The following OCA2 variants were observed in gnomAD, a reference collection of about 807,000 sequenced individuals.
OCA2 encodes P protein.
A neutral mutation model predicts 100.2 loss-of-function variants in OCA2; 77 were observed. The observed-to-expected ratio is 0.77, with a 90% CI of 0.64 to 0.93. The LOEUF is 0.93. OCA2 is among the 40% of genes least tolerant of loss of function. The pLI, the probability that OCA2 is intolerant of heterozygous loss-of-function variation, is 0.00. For synonymous variants in OCA2, 432 were observed against 439.2 expected (o/e 0.98, Z 0.21); for missense variants, 1,062 against 1,089.1 (o/e 0.98, Z 0.35).
intron 19 of OCA2, among the ~76,000 whole-genome samples, chr15:27,923,962 A>G (rs1186836951): frequency 6.6e-6 from 1 of 152,118 alleles, no homozygotes; most frequent in Non-Finnish European, 1.5e-5. Flanking sequence ...GGTATTGCCT[A>G]GATTGTCTTC....
At chr15:28,001,843 C>T (rs1401682844) in intron 9 of OCA2, among the ~76,000 whole-genome samples, 2 of 152,196 alleles carry the variant, frequency 1.3e-5, no homozygotes, top group African/African-American at 4.8e-5. Context: ...AATGCCCAGC[C>T]GGGCAGAGCT....
intron 21 of OCA2, among the ~76,000 whole-genome samples, chr15:27,866,877 A>T (rs2036346348): frequency 6.6e-6 from 1 of 152,344 alleles, no homozygotes; most frequent in Middle Eastern, 3.4e-3. Context: ...GGTTCCTCCA[A>T]TCAGACACAC....
intron 15 of OCA2, among the ~76,000 whole-genome samples, chr15:27,964,366 G>A (rs148541369): frequency 6.6e-6 from 1 of 152,192 alleles, no homozygotes; most frequent in African/African-American, 2.4e-5. Flanking sequence ...GGTGATCAGA[G>A]GGATAGGCTC....
chr15:28,094,900 G>A (rs1176025681), intron 1 of OCA2, among the ~76,000 whole-genome samples: 1 of 152,246 alleles, frequency 6.6e-6, no homozygotes, highest in Non-Finnish European at 1.5e-5. Context: ...AGGACCGACA[G>A]AGGCCAGGGC....
intron 23 of OCA2, among the ~76,000 whole-genome samples, chr15:27,826,514 C>T (rs2034728889): frequency 6.6e-6 from 1 of 152,134 alleles, no homozygotes; most frequent in Admixed American, 6.5e-5. Context: ...TGGACACTGC[C>T]TCCCCCTCCT....
chr15:27,973,260 G>A (rs2040864153), intron 14 of OCA2, among the ~76,000 whole-genome samples: 1 of 152,068 alleles, frequency 6.6e-6, no homozygotes, highest in South Asian at 2.1e-4. Context: ...CTTTGCCTGG[G>A]TCAGTGTCCA....
chr15:27,801,333 C>A (rs2033596403), intron 23 of OCA2, among the ~76,000 whole-genome samples: 1 of 152,100 alleles, frequency 6.6e-6, no homozygotes, highest in South Asian at 2.1e-4. Context: ...GTGGGCAGAT[C>A]ACGAGGTCAA....
At chr15:27,968,419 T>C (rs947138207) in intron 14 of OCA2, among the ~76,000 whole-genome samples, 5 of 152,120 alleles carry the variant, frequency 3.3e-5, no homozygotes, top group African/African-American at 1.2e-4. Flanking sequence ...ACCTCTTACA[T>C]AGGTAGAGGG....
At chr15:27,963,113 G>A (rs2040459629) in intron 15 of OCA2, among the ~76,000 whole-genome samples, 1 of 152,088 alleles carries the variant, frequency 6.6e-6, no homozygotes, top group Non-Finnish European at 1.5e-5. Context: ...TGCCCTAATA[G>A]TAAACTTTTA....
At chr15:27,962,304 C>G (rs552054859) in intron 15 of OCA2, among the ~76,000 whole-genome samples, 5 of 152,188 alleles carry the variant, frequency 3.3e-5, no homozygotes, top group Non-Finnish European at 5.9e-5. Context: ...TCTTTGCCAC[C>G]CTAGCCTCTT....
chr15:28,055,497 G>A (rs902281121), intron 2 of OCA2, among the ~76,000 whole-genome samples: 2 of 152,182 alleles, frequency 1.3e-5, no homozygotes, highest in African/African-American at 2.4e-5. Flanking sequence ...GGCCTTTCAC[G>A]TAGGTACTGA....
rs956764503 is a variant in OCA2, at chr15:27,814,603, C to T, written c.2432+30356G>A. ...TATTAAAATAAAAATATAGGCCAGG[C>T]ACCGTGGCTCACGCCTGAAATCCCA... is the stretch of plus-strand genomic sequence containing the variant. On this transcript the variant is annotated intron_variant, in intron 23 of 23. Coordinates refer to ENST00000354638, the MANE Select transcript of OCA2 (RefSeq NM_000275.3). Among the ~76,000 whole-genome samples, 10 of 152,274 alleles carry T rather than the reference C, an allele frequency of 6.6e-5. No individual in the cohort carries two copies. The East Asian group carries it at 1.9e-3, about 29-fold the overall frequency.
intron 14 of OCA2, among the ~76,000 whole-genome samples, chr15:27,974,436 G>A (rs2040900891): frequency 6.6e-6 from 1 of 152,124 alleles, no homozygotes; most frequent in South Asian, 2.1e-4. Context: ...TCTCCATACA[G>A]AGAAGTATTT....
intron 19 of OCA2, among the ~76,000 whole-genome samples, chr15:27,881,166 T>G (rs954232978): frequency 3.3e-5 from 5 of 152,212 alleles, no homozygotes; most frequent in African/African-American, 1.2e-4. Context: ...TTACATTTAT[T>G]GATTTGAGTA....
intron 14 of OCA2, 78 bp from the exon 15 acceptor site, chr15:27,966,900 T>G (rs1567168748): frequency 6.7e-7 from 1 of 1,499,420 alleles, no homozygotes; most frequent in Non-Finnish European, 9.1e-7. Flanking sequence ...CTTTCCGAGG[T>G]GGGTGGATCA....
At chr15:27,792,248 T>C (rs907390463) in intron 23 of OCA2, among the ~76,000 whole-genome samples, 1 of 152,206 alleles carries the variant, frequency 6.6e-6, no homozygotes, top group Non-Finnish European at 1.5e-5. Flanking sequence ...CCTTTCTTCC[T>C]TCCTGTGTGC....
At chr15:28,052,143 T>C (rs1399604027) in intron 2 of OCA2, among the ~76,000 whole-genome samples, 1 of 152,196 alleles carries the variant, frequency 6.6e-6, no homozygotes, top group Admixed American at 6.5e-5. Context: ...GCATGTTTAC[T>C]GCAAAGCCCC....
chr15:28,030,242 G>A (rs1022185503), intron 3 of OCA2, among the ~76,000 whole-genome samples: 2 of 152,172 alleles, frequency 1.3e-5, no homozygotes, highest in Admixed American at 6.5e-5. Flanking sequence ...GGCAGGGACT[G>A]TACTAGGTGC....
intron 9 of OCA2, among the ~76,000 whole-genome samples, chr15:28,003,771 G>A (rs942287002): frequency 3.9e-5 from 6 of 152,168 alleles, no homozygotes; most frequent in African/African-American, 9.7e-5. Context: ...CGAGGGTGGC[G>A]GTCCCACCCC....
Sources: gnomAD v4.1 joint callset for allele counts (sites outside exome capture counted in the v4.1 genomes callset) on GRCh38, gnomAD v4.1.1 for gene constraint, MANE v1.5 for transcripts, NCBI Gene and HGNC (gene_info 2026-07-23, HGNC 2026-07-21) for gene names.